The following ERICH1 variants were observed in gnomAD, a reference collection of about 807,000 sequenced individuals.
The protein encoded by ERICH1 is glutamate-rich protein 1.
A neutral mutation model predicts 39.6 loss-of-function variants in ERICH1; 56 were observed. The observed-to-expected ratio is 1.41, with a 90% CI of 1.14 to 1.77. The LOEUF is 1.77. ERICH1 is among the 40% of genes most tolerant of loss of function. ERICH1 has a pLI of 0.00. For synonymous variants in ERICH1, 313 were observed against 223.6 expected (o/e 1.40, Z -3.57); for missense variants, 826 against 575.4 (o/e 1.44, Z -4.45).
At chr8:729,132 G>A (rs572217430) in intron 1 of ERICH1, among the ~76,000 whole-genome samples, 43 of 152,248 alleles carry the variant, frequency 2.8e-4, no homozygotes, top group Non-Finnish European at 5.0e-4. Context: ...TGCCTGATTC[G>A]CTGCCGCAGC....
intron 3 of ERICH1, chr8:625,569 T>C (rs1009010948): frequency 6.6e-6 from 1 of 152,252 alleles, no homozygotes; most frequent in African/African-American, 2.4e-5. Flanking sequence ...TGTACAACTC[T>C]GAATATACTA....
At chr8:695,520 CACCTGTGCTT>C (rs201911930) in intron 2 of ERICH1, among the ~76,000 whole-genome samples, 1 of 136,052 alleles carries the variant, frequency 7.4e-6, no homozygotes, top group Non-Finnish European at 1.7e-5. Context: ...CATCAGCCTG[CACCTGTGCTT>C]GCTCCTCTCG....
chr8:671,481 G>A (rs76302396), intron 4 of ERICH1, among the ~76,000 whole-genome samples: 3 of 81,286 alleles, frequency 3.7e-5, no homozygotes, highest in East Asian at 3.6e-4. Flanking sequence ...ACCTCTGAAC[G>A]TGCCAGCCCC....
At chr8:693,378 C>T (rs528077063) in intron 2 of ERICH1, among the ~76,000 whole-genome samples, 1 of 152,220 alleles carries the variant, frequency 6.6e-6, no homozygotes, top group African/African-American at 2.4e-5. Context: ...GTTAAAATGA[C>T]ATATTGTAAC....
At chr8:694,879 G>A (rs1175749211) in intron 2 of ERICH1, among the ~76,000 whole-genome samples, 3 of 152,106 alleles carry the variant, frequency 2.0e-5, no homozygotes, top group South Asian at 2.1e-4. Context: ...CATCTCCTCC[G>A]CCGGACGCAC....
intron 3 of ERICH1, among the ~76,000 whole-genome samples, chr8:653,221 GACAA>G (rs1339568840): frequency 2.6e-5 from 4 of 152,312 alleles, no homozygotes; most frequent in Admixed American, 6.5e-5. Context: ...CAGATCAATG[GACAA>G]ACACAGTGCC....
intron 5 of ERICH1, chr8:666,240 G>T (rs1424564238): frequency 2.0e-5 from 3 of 152,080 alleles, no homozygotes; most frequent in South Asian, 2.1e-4. Flanking sequence ...AACTCTTTTG[G>T]TGAATTTCAG....
intron 3 of ERICH1, among the ~76,000 whole-genome samples, chr8:644,069 G>C (rs940802765): frequency 6.6e-6 from 1 of 152,210 alleles, no homozygotes; most frequent in African/African-American, 2.4e-5. Context: ...ATTTTAAGTA[G>C]AGACACAAAT....
At chr8:695,821 C>T (rs1162653183) in intron 2 of ERICH1, among the ~76,000 whole-genome samples, 1 of 145,504 alleles carries the variant, frequency 6.9e-6, no homozygotes, top group Non-Finnish European at 1.5e-5. Flanking sequence ...TCTCACCCTC[C>T]CTTCCTCTCC....
At position 673,882 on chromosome 8, in the gene ERICH1, A is replaced by G. The variant is rs766604918; in HGVS notation, c.470T>C (p.Ile157Thr). The change falls in exon 4 of 6, where the codon ATA (isoleucine) becomes ACA (threonine). Residue 157 changes from isoleucine (I) to threonine (T), a missense_variant. Coordinates refer to ENST00000262109, the MANE Select transcript of ERICH1 (RefSeq NM_207332.3). ...CAGTTTCCTTTTTTTATTTTTGCTT[A>G]TTGTGGTGCCATCTGTGTGCTGTCG... ...SQRQHTDGTTISKNKKRKLKK... is the reference protein window; with the variant it reads ...SQRQHTDGTTTSKNKKRKLKK... 3 of 1,613,434 alleles carry G rather than the reference A, an allele frequency of 1.9e-6. No individual in the cohort carries two copies. The highest frequency in any genetic ancestry group is 2.5e-6 in the Non-Finnish European group (3 of 1,179,960).
intron 3 of ERICH1, among the ~76,000 whole-genome samples, chr8:639,951 A>G (rs1798805483): frequency 6.6e-6 from 1 of 152,214 alleles, no homozygotes; most frequent in African/African-American, 2.4e-5. Flanking sequence ...TCCAGGTAAG[A>G]TTCTCAAGAG....
At chr8:631,117 C>T (rs1798011565) in intron 3 of ERICH1, among the ~76,000 whole-genome samples, 1 of 152,270 alleles carries the variant, frequency 6.6e-6, no homozygotes, top group Non-Finnish European at 1.5e-5. Context: ...TCACACCCTC[C>T]TATGATCACC....
At chr8:722,709 C>T (rs887078540) in intron 1 of ERICH1, among the ~76,000 whole-genome samples, 3 of 152,210 alleles carry the variant, frequency 2.0e-5, no homozygotes, top group Non-Finnish European at 4.4e-5. Context: ...AAAACTTTTG[C>T]TATCACCCTT....
At chr8:704,521 C>T (rs1812826310) in intron 2 of ERICH1, among the ~76,000 whole-genome samples, 1 of 152,122 alleles carries the variant, frequency 6.6e-6, no homozygotes, top group Non-Finnish European at 1.5e-5. Flanking sequence ...CTGCTCACTC[C>T]ACTAAAGGTT....
chr8:656,883 C>T (rs1459182532), intron 3 of ERICH1: 7 of 965,268 alleles, frequency 7.3e-6, no homozygotes, highest in Admixed American at 6.2e-5. Context: ...GAAACTTAAA[C>T]ATTATGGATT....
intron 1 of ERICH1, chr8:725,418 G>A (rs1026201568): frequency 6.5e-6 from 1 of 152,888 alleles, no homozygotes; most frequent in African/African-American, 2.4e-5. Flanking sequence ...CATTAGTAGA[G>A]TGAGCTCTGA....
chr8:719,453 G>C (rs1816789993), intron 1 of ERICH1, among the ~76,000 whole-genome samples: 1 of 152,234 alleles, frequency 6.6e-6, no homozygotes, highest in Non-Finnish European at 1.5e-5. Context: ...GCCCACATCT[G>C]GCTGAGATGC....
chr8:678,280 G>T (rs535468334), intron 3 of ERICH1, among the ~76,000 whole-genome samples: 77 of 152,262 alleles, frequency 5.1e-4, no homozygotes, highest in Admixed American at 1.8e-3. Flanking sequence ...AAGAGAGGAG[G>T]CTTGAAAATC....
intron 3 of ERICH1, among the ~76,000 whole-genome samples, chr8:632,916 G>T (rs1442005145): frequency 6.6e-6 from 1 of 152,182 alleles, no homozygotes; most frequent in Non-Finnish European, 1.5e-5. Flanking sequence ...GACGTCCCAC[G>T]GTGCACAGGA....
Sources: gnomAD v4.1 joint callset for allele counts (sites outside exome capture counted in the v4.1 genomes callset) on GRCh38, gnomAD v4.1.1 for gene constraint, MANE v1.5 for transcripts, NCBI Gene and HGNC (gene_info 2026-07-23, HGNC 2026-07-21) for gene names.